Variants in SNRPF observed in about 807,000 individuals in gnomAD.
SNRPF encodes the protein small nuclear ribonucleoprotein polypeptide F.
In SNRPF, 1 loss-of-function variant was observed where a neutral mutation model predicts 13.4. The observed-to-expected ratio is 0.07, with a 90% CI of 0.03 to 0.35. The LOEUF (loss-of-function observed/expected upper bound fraction) is 0.35, where lower values mean the gene tolerates loss of function less well. Ranked by LOEUF, SNRPF falls within the 10% of genes least tolerant of loss-of-function variation. SNRPF has a pLI of 0.99. For missense variants in SNRPF, 53 were observed against 101.0 expected, an observed-to-expected ratio of 0.52 and a Z score of 2.04; for synonymous variants, 27 against 32.1, an observed-to-expected ratio of 0.84 and a Z score of 0.54.
chr12:95,859,087 A>G lies in SNRPF; in HGVS notation c.3+11A>G, dbSNP rs376343215. On this transcript the variant is annotated intron_variant, in intron 1 of 3. Transcript: ENST00000266735. ...GCCGTGGTTACGATGGTAAGGAGAA[A>G]GAGAACGGCGGGAGAAGCGGGGAGA... The G allele has an allele frequency of 8.9e-4, 1,427 of 1,611,772 alleles. 2 individuals are homozygous for G. Among genetic ancestry groups the G allele is most frequent in the Non-Finnish European group, 1.1e-3 (1,317 of 1,178,328 alleles).
intron 2 of SNRPF, among the ~76,000 whole-genome samples, chr12:95,864,221 A>G (rs1417651459): frequency 1.3e-5 from 2 of 152,170 alleles, no homozygotes; most frequent in African/African-American, 4.8e-5. Flanking sequence ...CTTATGAAAC[A>G]TCCTATTTTA....
At chr12:95,860,464 G>A (rs1376743225) in intron 1 of SNRPF, among the ~76,000 whole-genome samples, 3 of 152,186 alleles carry the variant, frequency 2.0e-5, no homozygotes, top group Non-Finnish European at 4.4e-5. Flanking sequence ...CTTGTGCCTA[G>A]TATATCTCCT....
chr12:95,860,535 C>G (rs2079490436), intron 1 of SNRPF, among the ~76,000 whole-genome samples: 1 of 152,176 alleles, frequency 6.6e-6, no homozygotes, highest in African/African-American at 2.4e-5. Flanking sequence ...CTCCCCATCT[C>G]CAACTTCTTG....
At chr12:95,859,182 A>G (rs1017887180) in intron 1 of SNRPF, 106 bp downstream of exon 1, 16 of 1,012,634 alleles carry the variant, frequency 1.6e-5, no homozygotes, top group Non-Finnish European at 2.3e-5. Context: ...CATCCGCGTG[A>G]GGCGCCGCGC....
intron 1 of SNRPF, among the ~76,000 whole-genome samples, chr12:95,860,753 T>C (rs954764084): frequency 2.0e-5 from 3 of 151,906 alleles, no homozygotes; most frequent in Admixed American, 6.6e-5. Flanking sequence ...TCTCACTATG[T>C]TGCCTGGGCT....
At chr12:95,862,947 C>T (rs2079503018) in intron 2 of SNRPF, among the ~76,000 whole-genome samples, 1 of 151,700 alleles carries the variant, frequency 6.6e-6, no homozygotes, top group African/African-American at 2.4e-5. Flanking sequence ...ATTTGTTTAT[C>T]TTTGGAGAAA....
intron 3 of SNRPF, 106 bp from the exon 4 acceptor site, chr12:95,865,896 CAAG>C (rs1262941086): frequency 2.7e-5 from 12 of 439,586 alleles, no homozygotes; most frequent in African/African-American, 1.5e-4. Context: ...TTTTTAAAGA[CAAG>C]AATATTATAA....
intron 1 of SNRPF, 90 bp downstream of exon 1, chr12:95,859,166 C>G (rs1391579600): frequency 7.6e-6 from 9 of 1,190,194 alleles, no homozygotes; most frequent in Non-Finnish European, 1.1e-5. Flanking sequence ...TCGCGCGTTT[C>G]CCATTCATCC....
chr12:95,862,811 A>C lies in SNRPF; in HGVS notation c.129+1518A>C, dbSNP rs2121393086. On this transcript the variant is annotated intron_variant, in intron 2 of 3. Coordinates refer to ENST00000266735, the MANE Select transcript of SNRPF (RefSeq NM_003095.5). ...TTCCAGTTTCTCCACATCCTCACCA[A>C]CACTTGTTATTTTCTATGGGTGTTT... Among the ~76,000 whole-genome samples, 3 of 152,196 alleles carry C rather than the reference A, an allele frequency of 2.0e-5. No individual in the cohort carries two copies. The South Asian group carries it at 6.2e-4, about 32-fold the overall frequency.
At chr12:95,861,414 T>G (rs1217009498) in intron 2 of SNRPF, 121 bp downstream of exon 2, 16 of 956,838 alleles carry the variant, frequency 1.7e-5, no homozygotes, top group Non-Finnish European at 2.4e-5. Flanking sequence ...ACGGCAAAAT[T>G]CAAAAATAAA....
chr12:95,864,547 C>G (rs545739148), intron 2 of SNRPF, among the ~76,000 whole-genome samples: 58 of 152,360 alleles, frequency 3.8e-4, no homozygotes, highest in African/African-American at 1.3e-3. Context: ...GTAAAGGTCA[C>G]TGTTAACTAT....
At chr12:95,863,744 C>T (rs1036655816) in intron 2 of SNRPF, among the ~76,000 whole-genome samples, 18 of 152,082 alleles carry the variant, frequency 1.2e-4, no homozygotes, top group African/African-American at 3.9e-4. Context: ...TCTGAGGAGG[C>T]GAATTCTGGA....
At chr12:95,863,693 A>G (rs1268004394) in intron 2 of SNRPF, among the ~76,000 whole-genome samples, 1 of 152,222 alleles carries the variant, frequency 6.6e-6, no homozygotes, top group African/African-American at 2.4e-5. Flanking sequence ...CATGAAGAAA[A>G]GGGGGAAGAC....
chr12:95,866,069 T>C lies in SNRPF; in HGVS notation c.259T>C (p.Ter87GlnextTer15). The C allele has an allele frequency of 1.4e-6, 2 of 1,447,220 alleles. No homozygotes were observed. Among genetic ancestry groups the C allele is most frequent in the Non-Finnish European group, 1.9e-6 (2 of 1,046,158 alleles). 89.6% of individuals were successfully genotyped at this position (1,447,220 alleles called of 1,614,324 possible). ...GGAAGAAGATGGGGAAATGAGAGAA[T>C]AGCATCTTTTGTGGGGGATTTTTTT... The part of the protein sequence containing the change: ...EEEEDGEMRE[*>Q] Residue 87 changes from the stop codon to glutamine (Q), a stop_lost, in exon 4 of 4, where the codon TAG (stop) becomes CAG (glutamine). Coordinates refer to ENST00000266735, the MANE Select transcript of SNRPF (RefSeq NM_003095.5).
chr12:95,862,370 G>A (rs1490769747), intron 2 of SNRPF, among the ~76,000 whole-genome samples: 2 of 151,816 alleles, frequency 1.3e-5, no homozygotes, highest in Non-Finnish European at 2.9e-5. Context: ...AGCTCTTTGG[G>A]GTATATACCC....
At chr12:95,860,775 C>T (rs544858115) in intron 1 of SNRPF, among the ~76,000 whole-genome samples, 57 of 151,060 alleles carry the variant, frequency 3.8e-4, no homozygotes, top group African/African-American at 1.3e-3. Context: ...GTCTTGAACT[C>T]GTGACCTCAA....
intron 1 of SNRPF, 37 bp downstream of exon 1, chr12:95,859,113 AAG>A (rs1393123599): frequency 5.7e-6 from 9 of 1,584,288 alleles, no homozygotes; most frequent in Non-Finnish European, 7.8e-6. Context: ...AGCGGGGAGA[AAG>A]AGAAGGAGGG....
At chr12:95,860,852 C>CTTTTTT (rs10689270) in intron 1 of SNRPF, among the ~76,000 whole-genome samples, 30 of 96,544 alleles carry the variant, frequency 3.1e-4, no homozygotes, top group East Asian at 5.5e-4. Flanking sequence ...ACCTGGCCCG[C>CTTTTTT]TTTTTTTTTT....
chr12:95,863,708 T>C (rs1042733520), intron 2 of SNRPF, among the ~76,000 whole-genome samples: 2 of 152,200 alleles, frequency 1.3e-5, no homozygotes, highest in Non-Finnish European at 2.9e-5. Context: ...GAAGACAGTA[T>C]GTGCAATATT....
Sources: gnomAD v4.1 joint callset for allele counts (sites outside exome capture counted in the v4.1 genomes callset) on GRCh38, gnomAD v4.1.1 for gene constraint, MANE v1.5 for transcripts, NCBI Gene and HGNC (gene_info 2026-07-23, HGNC 2026-07-21) for gene names.